The following OLAH variants were observed in gnomAD, a reference collection of about 807,000 sequenced individuals.
OLAH encodes the protein S-acyl fatty acid synthase thioesterase, medium chain.
OLAH carries 33 observed loss-of-function variants against 27.8 expected under a neutral mutation model. The observed-to-expected ratio is 1.19, with a 90% CI of 0.90 to 1.59. The LOEUF is 1.59. Among genes scored for constraint, OLAH ranks in the 40% most tolerant of loss-of-function variants. The pLI is 0.00. For synonymous variants in OLAH, 120 were observed against 102.9 expected, an observed-to-expected ratio of 1.17 and a Z score of -1.01; for missense variants, 359 against 310.8, an observed-to-expected ratio of 1.16 and a Z score of -1.17.
chr10:15,072,950 C>T (rs1844620275), intron 7 of OLAH, 137 bp from the exon 8 acceptor site: 2 of 773,066 alleles, frequency 2.6e-6, no homozygotes, highest in Non-Finnish European at 4.2e-6. Flanking sequence ...TGGCAATGCT[C>T]CTGCTTCATC....
chr10:15,073,052 GTGT>G (rs1026339095), intron 7 of OLAH, 32 bp from the exon 8 acceptor site: 1 of 1,598,716 alleles, frequency 6.3e-7, no homozygotes, highest in African/African-American at 1.3e-5. Context: ...GTTGCTGTTG[GTGT>G]TGTTATTGAA....
chr10:15,055,731 C>T (rs1844232692), intron 3 of OLAH, among the ~76,000 whole-genome samples: 1 of 152,152 alleles, frequency 6.6e-6, no homozygotes, highest in Admixed American at 6.6e-5. Context: ...GTGTCCACTG[C>T]TCCCCTTAAA....
chr10:15,046,924 C>T (rs554520404), intron 1 of OLAH, among the ~76,000 whole-genome samples: 3 of 152,220 alleles, frequency 2.0e-5, no homozygotes, highest in Non-Finnish European at 2.9e-5. Flanking sequence ...TCTGTATATA[C>T]GTGAGCAGTC....
intron 3 of OLAH, among the ~76,000 whole-genome samples, chr10:15,051,370 T>C (rs951211572): frequency 6.6e-6 from 1 of 152,226 alleles, no homozygotes; most frequent in Non-Finnish European, 1.5e-5. Flanking sequence ...TATGTAGGCA[T>C]CTTAAGGTCT....
chr10:15,065,559 C>A (rs912542629), intron 5 of OLAH, 25 bp from the exon 6 acceptor site: 10 of 1,592,662 alleles, frequency 6.3e-6, no homozygotes, highest in Non-Finnish European at 8.5e-6. Flanking sequence ...AAATATCAGG[C>A]CTGTGTTGTT....
chr10:15,042,598 ACAGT>A, upstream of OLAH, among the ~76,000 whole-genome samples: 1 of 152,186 alleles, frequency 6.6e-6, no homozygotes, highest in Non-Finnish European at 1.5e-5. Flanking sequence ...ATTATTGACT[ACAGT>A]CACTCTGTTG....
At chr10:15,041,246 G>A (rs1205829489), upstream of OLAH, among the ~76,000 whole-genome samples, 1 of 152,036 alleles carries the variant, frequency 6.6e-6, no homozygotes, top group Non-Finnish European at 1.5e-5. Flanking sequence ...TGATCTCTTA[G>A]AGGCATTCCA....
At chr10:15,067,461 G>C (rs1159047354) in intron 6 of OLAH, among the ~76,000 whole-genome samples, 2 of 152,066 alleles carry the variant, frequency 1.3e-5, no homozygotes, top group African/African-American at 4.8e-5. Context: ...CAAACCATGA[G>C]CTATTTTTAA....
At chr10:15,046,719 G>A (rs890455259) in intron 1 of OLAH, among the ~76,000 whole-genome samples, 7 of 152,032 alleles carry the variant, frequency 4.6e-5, no homozygotes, top group African/African-American at 1.7e-4. Flanking sequence ...GGGATGAGCC[G>A]CCACGCCCAG....
intron 6 of OLAH, among the ~76,000 whole-genome samples, chr10:15,069,857 C>T (rs1221068776): frequency 1.3e-5 from 2 of 152,034 alleles, no homozygotes; most frequent in Admixed American, 6.6e-5. Context: ...TAGAGCGAGA[C>T]TCCATCTAAA....
chr10:15,060,037 T>A (rs1312571250), intron 3 of OLAH, among the ~76,000 whole-genome samples: 2 of 152,190 alleles, frequency 1.3e-5, no homozygotes, highest in African/African-American at 4.8e-5. Context: ...TTTTTTCAAA[T>A]GTTTTTCTGT....
At chr10:15,058,368 T>G (rs1168539531) in intron 3 of OLAH, among the ~76,000 whole-genome samples, 1 of 152,098 alleles carries the variant, frequency 6.6e-6, no homozygotes, top group Non-Finnish European at 1.5e-5. Flanking sequence ...GCTGGAATTA[T>G]AGGCATGAGC....
At position 15,037,002 on chromosome 10, in the gene OLAH, C is replaced by T. The variant is rs191719447; in HGVS notation, c.-164+4652C>T. On this transcript the variant is annotated intron_variant, in intron 1 of 3. Transcript: ENST00000413672. The stretch of plus-strand genomic sequence containing the variant: ...GCTGAGGCAGGAGAATCGCTTGAAC[C>T]TGGGAGGCAGAGGTTGCAGTGAGCC... Among the ~76,000 whole-genome samples, 51 of 149,730 alleles carry T rather than the reference C, an allele frequency of 3.4e-4. No individual in the cohort carries two copies. In the East Asian group the frequency reaches 9.9e-3, roughly 29 times the overall value.
intron 6 of OLAH, among the ~76,000 whole-genome samples, chr10:15,068,801 G>A (rs561343224): frequency 7.7e-4 from 118 of 152,320 alleles, no homozygotes; most frequent in Middle Eastern, 3.4e-3. Context: ...TTGACAGGCC[G>A]TTAGTGTGGG....
intron 3 of OLAH, among the ~76,000 whole-genome samples, chr10:15,052,729 CTT>C (rs1366770171): frequency 9.2e-5 from 12 of 130,826 alleles, no homozygotes; most frequent in African/African-American, 5.5e-5. Context: ...GAGGGCTTTT[CTT>C]TTTTTTTTTT....
rs142536516 is a variant in OLAH, at chr10:15,036,678, G to C, written c.-164+4328G>C. 6.4e-4 allele frequency among the ~76,000 whole-genome samples: 97 copies of C among 152,102 alleles called. 2 individuals are homozygous for C. In the East Asian group the frequency reaches 0.017, roughly 27 times the overall value. On this transcript the variant is annotated intron_variant, in intron 1 of 3. Coordinates refer to the OLAH transcript ENST00000413672. ...TTTTTAAAAATTTTTGTAGGGATTG[G>C]GGGGCCTTGCTATGTTGCCCAGGCT...
At chr10:15,046,929 G>C (rs1844029584) in intron 1 of OLAH, among the ~76,000 whole-genome samples, 197 bp from the exon 2 acceptor site, 1 of 152,172 alleles carries the variant, frequency 6.6e-6, no homozygotes, top group South Asian at 2.1e-4. Flanking sequence ...ATATACGTGA[G>C]CAGTCCTGTT....
chr10:15,040,886 T>A (rs1589235844), upstream of OLAH, among the ~76,000 whole-genome samples: 2 of 152,220 alleles, frequency 1.3e-5, no homozygotes, highest in Middle Eastern at 6.8e-3. Context: ...TCTCAAACCA[T>A]CCCTTTCTCT....
intron 3 of OLAH, 135 bp downstream of exon 3, chr10:15,049,900 G>T: frequency 1.3e-6 from 1 of 797,454 alleles, no homozygotes; most frequent in Non-Finnish European, 1.9e-6. Context: ...TGCTTCAATA[G>T]GGTGACTTTT....
Sources: allele counts gnomAD v4.1 joint callset (sites outside exome capture counted in the v4.1 genomes callset), GRCh38; gene constraint gnomAD v4.1.1; transcripts MANE v1.5; gene names NCBI Gene and HGNC (gene_info 2026-07-23, HGNC 2026-07-21).